The following PRKCE variants were observed in gnomAD, a reference collection of about 807,000 sequenced individuals.
PRKCE encodes protein kinase C epsilon.
Under a neutral mutation model 85.4 loss-of-function variants are expected in PRKCE, and 16 were observed. The observed-to-expected ratio is 0.19, with a 90% confidence interval of 0.13 to 0.28. The LOEUF is 0.28. Ranked by LOEUF, PRKCE falls within the 10% of genes least tolerant of loss-of-function variation. The probability of loss-of-function intolerance (pLI) is 1.00; values close to 1 mark genes in which losing one functional copy is unlikely to be tolerated. For missense variants in PRKCE, 573 were observed against 975.2 expected (o/e 0.59, Z 5.49); for synonymous variants, 388 against 371.5 (o/e 1.04, Z -0.51).
At chr2:45,730,218 G>A (rs1681447835) in intron 1 of PRKCE, among the ~76,000 whole-genome samples, 1 of 152,172 alleles carries the variant, frequency 6.6e-6, no homozygotes, top group Non-Finnish European at 1.5e-5. Flanking sequence ...CTTGAGTGCA[G>A]TGGTGCTCAC....
chr2:45,937,077 G>T (rs75067532), intron 2 of PRKCE, among the ~76,000 whole-genome samples: 17 of 152,326 alleles, frequency 1.1e-4, no homozygotes, highest in Admixed American at 9.1e-4. Context: ...TGAAAGAAGA[G>T]TGCTCCCAGG....
chr2:46,048,831 C>T (rs1390230621), intron 10 of PRKCE, among the ~76,000 whole-genome samples: 1 of 152,182 alleles, frequency 6.6e-6, no homozygotes, highest in Non-Finnish European at 1.5e-5. Context: ...TCTTGCAGGA[C>T]TCAACTCAGT....
intron 5 of PRKCE, among the ~76,000 whole-genome samples, chr2:45,980,724 G>A (rs1702820696): frequency 6.8e-6 from 1 of 147,568 alleles, no homozygotes; most frequent in Non-Finnish European, 1.5e-5. Context: ...GTAATAAACA[G>A]TAATAGAAAC....
chr2:46,035,413 G>A (rs779452043), intron 10 of PRKCE, among the ~76,000 whole-genome samples: 1 of 152,198 alleles, frequency 6.6e-6, no homozygotes, highest in Non-Finnish European at 1.5e-5. Flanking sequence ...CCATACCCCA[G>A]GGCAGGCTCT....
intron 2 of PRKCE, among the ~76,000 whole-genome samples, chr2:45,890,948 A>C (rs1487284049): frequency 6.6e-6 from 1 of 152,234 alleles, no homozygotes; most frequent in African/African-American, 2.4e-5. Flanking sequence ...GTTGGCTAAC[A>C]GAAAGGAACA....
chr2:46,111,229 C>A (rs1357240859), intron 11 of PRKCE, among the ~76,000 whole-genome samples: 1 of 152,208 alleles, frequency 6.6e-6, no homozygotes, highest in East Asian at 1.9e-4. Context: ...CTGTTCAGGT[C>A]AACTATATCC....
At chr2:46,090,942 G>C (rs988458566) in intron 11 of PRKCE, among the ~76,000 whole-genome samples, 11 of 152,204 alleles carry the variant, frequency 7.2e-5, no homozygotes, top group Admixed American at 6.5e-4. Flanking sequence ...GAATTTTCCA[G>C]CCTTCCTGTT....
chr2:46,156,825 A>G (rs899710394), intron 13 of PRKCE, among the ~76,000 whole-genome samples: 1 of 152,242 alleles, frequency 6.6e-6, no homozygotes, highest in African/African-American at 2.4e-5. Flanking sequence ...AAAATCAGAT[A>G]CAGTGAAAGG....
chr2:45,757,359 T>TG (rs1684100687), intron 1 of PRKCE, among the ~76,000 whole-genome samples: 1 of 144,486 alleles, frequency 6.9e-6, no homozygotes, highest in Non-Finnish European at 1.5e-5. Context: ...GTGGGTAAAC[T>TG]GTCCATTAAT....
intron 2 of PRKCE, among the ~76,000 whole-genome samples, chr2:45,962,875 A>G (rs931727614): frequency 2.6e-5 from 4 of 152,168 alleles, no homozygotes; most frequent in South Asian, 4.1e-4. Flanking sequence ...TATTAAAAGC[A>G]TTATTGCTTT....
chr2:46,055,113 AAGGCCG>A (rs1666440352), intron 10 of PRKCE, among the ~76,000 whole-genome samples: 1 of 152,280 alleles, frequency 6.6e-6, no homozygotes, highest in East Asian at 1.9e-4. Context: ...GCAGGCGCAA[AAGGCCG>A]TCACACTGAC....
At chr2:45,867,634 T>C (rs1693715149) in intron 2 of PRKCE, among the ~76,000 whole-genome samples, 1 of 152,244 alleles carries the variant, frequency 6.6e-6, no homozygotes, top group Admixed American at 6.5e-5. Context: ...CTCATTGATT[T>C]AGATCTTTGA....
At chr2:45,669,298 C>G (rs582384) in intron 1 of PRKCE, among the ~76,000 whole-genome samples, 6 of 151,978 alleles carry the variant, frequency 3.9e-5, no homozygotes, top group Non-Finnish European at 8.8e-5. Context: ...ATGTGGCTGT[C>G]CCCTTGTGGG....
intron 2 of PRKCE, among the ~76,000 whole-genome samples, chr2:45,972,116 G>A (rs1052958467): frequency 3.9e-5 from 6 of 152,092 alleles, no homozygotes; most frequent in African/African-American, 7.2e-5. Context: ...CCACATCCTC[G>A]CTAAAACTTA....
chr2:45,677,331 G>GGT (rs386645620), intron 1 of PRKCE, among the ~76,000 whole-genome samples: 159 of 108,514 alleles, frequency 1.5e-3, no homozygotes, highest in Non-Finnish European at 2.2e-3. Context: ...TTTTTTTTTT[G>GGT]TTTTTTTTTT....
intron 2 of PRKCE, among the ~76,000 whole-genome samples, chr2:45,968,766 G>A (rs1701904585): frequency 6.6e-6 from 1 of 152,130 alleles, no homozygotes; most frequent in Non-Finnish European, 1.5e-5. Flanking sequence ...CTTTTTGTGT[G>A]GGAGGAGACG....
At chr2:45,987,744 C>T (rs778006455) in intron 6 of PRKCE, among the ~76,000 whole-genome samples, 6 of 152,170 alleles carry the variant, frequency 3.9e-5, no homozygotes, top group Non-Finnish European at 5.9e-5. Context: ...GGACAGTGCT[C>T]GTTATCTACC....
Position 45,820,417 on chromosome 2 carries a change from AGGG to A in PRKCE, c.349-22580_349-22578del, listed in dbSNP as rs577690291. ...AGGTAGATTTTATTTGGAGGGGGAG[AGGG>A]GGAGTTTGGGAGGAATGAACTGTGC... is the stretch of plus-strand genomic sequence containing the variant. On this transcript the variant is annotated intron_variant, in intron 1 of 14. Coordinates refer to ENST00000306156, the MANE Select transcript of PRKCE (RefSeq NM_005400.3). Among the ~76,000 whole-genome samples the A allele has an allele frequency of 6.6e-5, 10 of 151,582 alleles. No homozygotes were observed. In the East Asian group the frequency reaches 1.8e-3, roughly 27 times the overall value.
At chr2:45,990,862 A>G (rs541327414) in intron 6 of PRKCE, among the ~76,000 whole-genome samples, 18 of 152,046 alleles carry the variant, frequency 1.2e-4, no homozygotes, top group African/African-American at 4.3e-4. Context: ...GGGTTTCACC[A>G]TGTTGGCCAG....
Sources: allele counts gnomAD v4.1 joint callset (sites outside exome capture counted in the v4.1 genomes callset), GRCh38; gene constraint gnomAD v4.1.1; transcripts MANE v1.5; gene names NCBI Gene and HGNC (gene_info 2026-07-23, HGNC 2026-07-21).